DES: variants seen among roughly 807,000 people sequenced by gnomAD.
DES encodes the protein desmin.
Under a neutral mutation model 55.1 loss-of-function variants are expected in DES, and 34 were observed. The ratio of observed to expected loss-of-function variants is 0.62; its 90% CI spans 0.47 to 0.82. The LOEUF is 0.82. DES is among the 40% of genes least tolerant of loss of function. The pLI, the probability that DES is intolerant of heterozygous loss-of-function variation, is 0.00. For missense variants in DES, 596 were observed against 645.9 expected, an observed-to-expected ratio of 0.92 and a Z score of 0.84; for synonymous variants, 259 against 270.8, an observed-to-expected ratio of 0.96 and a Z score of 0.43.
At position 219,418,731 on chromosome 2, in the gene DES, A is replaced by C. The variant is rs1954369708; in HGVS notation, c.269A>C (p.Asp90Ala). The change falls in exon 1 of 9, where the codon GAC becomes GCC. Residue 90 changes from aspartate (D) to alanine (A), a missense_variant. Coordinates refer to ENST00000373960, the MANE Select transcript of DES (RefSeq NM_001927.4). Reference sequence around the variant, plus strand: ...TCCTACGGCGCAGGCGAGCTGCTGGACTTCTCACTGGCCGACGCGGTGAAC... The same window carrying C: ...TCCTACGGCGCAGGCGAGCTGCTGGCCTTCTCACTGGCCGACGCGGTGAAC... ...PSSYGAGELL[D>A]FSLADAVNQE... 1.3e-6 allele frequency: 2 copies of C among 1,562,570 alleles called. No individual in the cohort carries two copies. The highest frequency in any genetic ancestry group is 1.7e-4 in the Middle Eastern group (1 of 5,986).
chr2:219,422,898 A>G (rs1274354244), intron 6 of DES, among the ~76,000 whole-genome samples: 2 of 152,254 alleles, frequency 1.3e-5, no homozygotes, highest in Non-Finnish European at 2.9e-5. Context: ...AAAACAGATC[A>G]GTTACTCCAA....
intron 7 of DES, 85 bp downstream of exon 7, chr2:219,423,905 G>A: frequency 1.4e-6 from 2 of 1,458,220 alleles, no homozygotes; most frequent in Admixed American, 1.7e-5. Flanking sequence ...CCAGGAGGGA[G>A]GATGGGACCC....
chr2:219,418,891 C>T lies in DES; in HGVS notation c.429C>T (p.Leu143=), dbSNP rs796275085. 6.4e-7 allele frequency: 1 copy of T among 1,566,220 alleles called. No individual in the cohort carries two copies. The highest frequency in any genetic ancestry group is 8.6e-7 in the Non-Finnish European group (1 of 1,156,252). The change falls in exon 1 of 9, where the codon CTC becomes CTT. Residue 143 remains leucine, a synonymous_variant. Transcript: ENST00000373960. ...NAALAAEVNR[L]KGREPTRVAE... ...CGCTCGCCGCCGAAGTGAACCGGCTCAAGGGCCGCGAGCCGACGCGAGTGG... is the reference window on the plus strand; with the variant it reads ...CGCTCGCCGCCGAAGTGAACCGGCTTAAGGGCCGCGAGCCGACGCGAGTGG...
At chr2:219,425,454 A>G in intron 7 of DES, 1 of 590,844 alleles carries the variant, frequency 1.7e-6, no homozygotes. Context: ...CATCTAAACT[A>G]TGGGACAGGC....
intron 8 of DES, 75 bp from the exon 9 acceptor site, chr2:219,425,874 G>A: frequency 5.0e-6 from 8 of 1,607,428 alleles, no homozygotes; most frequent in South Asian, 1.1e-5. Flanking sequence ...GCGGCCCTGG[G>A]GTGGGGATGG....
At chr2:219,424,662 A>G (rs1324658589) in intron 7 of DES, among the ~76,000 whole-genome samples, 2 of 152,230 alleles carry the variant, frequency 1.3e-5, no homozygotes, top group African/African-American at 4.8e-5. Context: ...AGTTGTTTAT[A>G]CAGACACCAA....
chr2:219,421,059 A>G lies in DES; in HGVS notation c.1023+106A>G, dbSNP rs1285564787. The G allele has an allele frequency of 2.0e-6, 3 of 1,471,430 alleles. No homozygotes were observed. The African/African-American group carries it at 4.2e-5, about 21-fold the overall frequency. The allele number at this position is 1,471,430 out of a possible 1,614,324, so 91.1% of individuals were successfully genotyped here. A position where few individuals can be genotyped will look rare whatever the true frequency, so the allele number is the denominator to read the frequency against. ...ATAGATCCTCTCTGGGCCTTCATCT[A>G]CTTAAATCTACAATAGGGGTAAAAC... On this transcript the variant is annotated intron_variant, in intron 5 of 8. Coordinates refer to ENST00000373960, the MANE Select transcript of DES (RefSeq NM_001927.4).
rs1005587037 is a variant in DES at position 219,424,489 on chromosome 2, G to A, written c.1288+669G>A. On this transcript the variant is annotated intron_variant, in intron 7 of 8. Transcript: ENST00000373960. ...CCTAGATCAAACCTTTTCTATCTTC[G>A]ATGTACATTTCCATCAGGAAAAAAA... is the stretch of plus-strand genomic sequence containing the variant. Among the ~76,000 whole-genome samples the A allele has an allele frequency of 4.6e-5, 7 of 152,048 alleles. No homozygotes were observed. In the East Asian group the frequency reaches 7.7e-4, roughly 17 times the overall value.
Position 219,426,539 on chromosome 2 carries a change from G to A in DES, c.*549G>A, listed in dbSNP as rs980823712. ...GACTTAGAAAGCAGGGGCTACAAGAGGGAATCCCCGAAGGTGCTGGAGGTG... is the reference window on the plus strand; with the variant it reads ...GACTTAGAAAGCAGGGGCTACAAGAAGGAATCCCCGAAGGTGCTGGAGGTG... On this transcript the variant is annotated 3_prime_UTR_variant, in exon 9 of 9. Coordinates refer to ENST00000373960, the MANE Select transcript of DES (RefSeq NM_001927.4). This position sits in a 1 kb window ranked among gnomAD's most constrained non-coding sequence, Gnocchi z 4.5. 3 of 189,090 alleles carry A rather than the reference G, an allele frequency of 1.6e-5. No individual in the cohort carries two copies. In the East Asian group the frequency reaches 3.8e-4, roughly 24 times the overall value. The allele number at this position is 189,090 out of a possible 1,614,324, so 11.7% of individuals were successfully genotyped here.
chr2:219,421,582 C>A, intron 6 of DES, 22 bp downstream of exon 6: 1 of 1,610,390 alleles, frequency 6.2e-7, no homozygotes, highest in East Asian at 2.2e-5. Flanking sequence ...GGCAGGAGCC[C>A]GAGTGGGAGG....
rs775115627 is a variant in DES, at chr2:219,418,872, C to A, written c.410C>A (p.Ala137Asp). Residue 137 changes from alanine to aspartate, a missense_variant, in exon 1 of 9, where the codon GCC (alanine) becomes GAC (aspartate). Transcript: ENST00000373960. ...CTGGAGCAGCAGAACGCGGCGCTCGCCGCCGAAGTGAACCGGCTCAAGGGC... is the reference window on the plus strand; with the variant it reads ...CTGGAGCAGCAGAACGCGGCGCTCGACGCCGAAGTGAACCGGCTCAAGGGC... The part of the protein sequence containing the change: ...RFLEQQNAAL[A>D]AEVNRLKGRE... 1.3e-6 allele frequency: 2 copies of A among 1,573,814 alleles called. No individual in the cohort carries two copies. Among genetic ancestry groups the A allele is most frequent in the African/African-American group, 2.7e-5 (2 of 74,128 alleles).
chr2:219,425,563 G>A, intron 7 of DES, 100 bp from the exon 8 acceptor site: 1 of 1,046,370 alleles, frequency 9.6e-7, no homozygotes, highest in Non-Finnish European at 1.5e-6. Flanking sequence ...GTTGGGGTCT[G>A]CTAGGGCTCT....
In DES at chr2:219,420,617, T is replaced by C. The variant is rs2125167964; in HGVS notation, c.858T>C (p.Ala286=). ...DIRAQYETIA[A]KNISEAEEWY... is the part of the protein sequence containing the mutation. ...GGGCTCAGTATGAGACCATCGCGGCTAAGAACATTTCTGAAGCTGAGGAGT... is the reference window on the plus strand; with the variant it reads ...GGGCTCAGTATGAGACCATCGCGGCCAAGAACATTTCTGAAGCTGAGGAGT... The change falls in exon 4 of 9, where the codon GCT becomes GCC. Residue 286 remains alanine, a synonymous_variant. Transcript: ENST00000373960. The surrounding 1 kb of genome is among the most constrained non-coding windows in gnomAD (Gnocchi z 6.0). The C allele has an allele frequency of 1.2e-6, 2 of 1,614,014 alleles. No individual in the cohort carries two copies. Among genetic ancestry groups the C allele is most frequent in the Non-Finnish European group, 8.5e-7 (1 of 1,180,006 alleles).
Position 219,426,081 on chromosome 2 carries a change from C to T in DES, c.*91C>T. 1 of 1,442,560 alleles carries T rather than the reference C, an allele frequency of 6.9e-7. No individual in the cohort carries two copies. The highest frequency in any genetic ancestry group is 9.7e-7 in the Non-Finnish European group (1 of 1,036,182). The allele number at this position is 1,442,560 out of a possible 1,614,324, so 89.4% of individuals were successfully genotyped here. A position where few individuals can be genotyped will look rare whatever the true frequency, so the allele number is the denominator to read the frequency against. The stretch of plus-strand genomic sequence containing the variant: ...CTTCTTCCATCCCAGGACACCACAC[C>T]CAGCCTCAGTCCTCCCCTCACAGCC... On this transcript the variant is annotated 3_prime_UTR_variant, in exon 9 of 9. Transcript: ENST00000373960. This position sits in a 1 kb window ranked among gnomAD's most constrained non-coding sequence, Gnocchi z 4.5.
At chr2:219,421,311 C>T (rs750400395) in intron 5 of DES, 29 bp from the exon 6 acceptor site, 2 of 1,613,000 alleles carry the variant, frequency 1.2e-6, no homozygotes, top group Admixed American at 1.7e-5. Context: ...CTCTTCCCTT[C>T]CTTGACCTGG....
chr2:219,425,724 C>G lies in DES; in HGVS notation c.1350C>G (p.Thr450=), dbSNP rs1954523399. The part of the protein sequence containing the change: ...VHTKKTVMIK[T]IETRDGEVVS... ...CCAAGAAGACGGTGATGATCAAGAC[C>G]ATCGAGACACGGGATGGGGAGGTAA... The change falls in exon 8 of 9, where the codon ACC becomes ACG. Residue 450 remains threonine, a synonymous_variant. Coordinates refer to ENST00000373960, the MANE Select transcript of DES (RefSeq NM_001927.4). The G allele has an allele frequency of 1.9e-6, 3 of 1,602,666 alleles. No homozygotes were observed. Among genetic ancestry groups the G allele is most frequent in the Non-Finnish European group, 2.6e-6 (3 of 1,174,864 alleles).
At chr2:219,424,243 A>G (rs1954497105) in intron 7 of DES, among the ~76,000 whole-genome samples, 1 of 152,196 alleles carries the variant, frequency 6.6e-6, no homozygotes, top group Non-Finnish European at 1.5e-5. Flanking sequence ...TGCTTGTCGA[A>G]CACCTCCAGT....
At position 219,420,709 on chromosome 2, in the gene DES, G is replaced by C; in HGVS notation, c.897+53G>C. 1 of 1,613,870 alleles carries C rather than the reference G, an allele frequency of 6.2e-7. No individual in the cohort carries two copies. Among genetic ancestry groups the C allele is most frequent in the Non-Finnish European group, 8.5e-7 (1 of 1,179,950 alleles). ...TCTCCGTCCCCCTGAATCCCAGCTT[G>C]GATGTGCTGCCTGTGGTACCATCCA... On this transcript the variant is annotated intron_variant, in intron 4 of 8. Transcript: ENST00000373960. This position sits in a 1 kb window ranked among gnomAD's most constrained non-coding sequence, Gnocchi z 6.0.
Position 219,421,513 on chromosome 2 carries a change from T to A in DES, c.1197T>A (p.Asp399Glu). 1 of 1,614,006 alleles carries A rather than the reference T, an allele frequency of 6.2e-7. No individual in the cohort carries two copies. Among genetic ancestry groups the A allele is most frequent in the Non-Finnish European group, 8.5e-7 (1 of 1,179,992 alleles). Residue 399 changes from aspartate (D) to glutamate (E), a missense_variant, in exon 6 of 9, where the codon GAT (aspartate) becomes GAA (glutamate). Transcript: ENST00000373960. ...TGCTCAACGTGAAGATGGCCCTGGA[T>A]GTGGAGATTGCCACCTACCGGAAGC... ...QDLLNVKMAL[D>E]VEIATYRKLL...
Sources: allele counts gnomAD v4.1 joint callset (sites outside exome capture counted in the v4.1 genomes callset), GRCh38; gene constraint gnomAD v4.1.1; non-coding constraint Gnocchi (gnomAD v3.1); transcripts MANE v1.5; gene names NCBI Gene and HGNC (gene_info 2026-07-23, HGNC 2026-07-21).